The following SKAP2 variants were observed in gnomAD, a reference collection of about 807,000 sequenced individuals.
SKAP2 encodes src kinase-associated phosphoprotein 2.
A neutral mutation model predicts 54.9 loss-of-function variants in SKAP2; 28 were observed. The observed-to-expected ratio is 0.51, with a 90% CI of 0.38 to 0.70. The LOEUF is 0.70. SKAP2 is among the 30% of genes least tolerant of loss of function. The pLI is 0.00. For missense variants in SKAP2, 356 were observed against 424.1 expected, an observed-to-expected ratio of 0.84 and a Z score of 1.41; for synonymous variants, 137 against 134.3, an observed-to-expected ratio of 1.02 and a Z score of -0.14.
intron 4 of SKAP2, among the ~76,000 whole-genome samples, chr7:26,809,219 G>A (rs1174301505): frequency 2.0e-5 from 3 of 152,126 alleles, no homozygotes; most frequent in African/African-American, 7.2e-5. Context: ...TTTGAGACCA[G>A]CCTGACCAAT....
chr7:26,767,126 A>C (rs1450731393), intron 4 of SKAP2, among the ~76,000 whole-genome samples: 1 of 152,146 alleles, frequency 6.6e-6, no homozygotes, highest in Non-Finnish European at 1.5e-5. Flanking sequence ...TAGGCTATTA[A>C]TTACTGCCTC....
chr7:26,670,893 G>GA (rs1023871956), intron 11 of SKAP2, among the ~76,000 whole-genome samples: 44 of 152,144 alleles, frequency 2.9e-4, no homozygotes, highest in Admixed American at 2.8e-3. Context: ...TGCTGTTAGA[G>GA]TCACCCTTAT....
intron 4 of SKAP2, among the ~76,000 whole-genome samples, chr7:26,751,801 G>A (rs1782690452): frequency 6.7e-6 from 1 of 149,566 alleles, no homozygotes; most frequent in Admixed American, 6.7e-5. Flanking sequence ...CCCCCAAAAA[G>A]CATTTCCCAG....
At chr7:26,734,453 C>T (rs983832734) in intron 6 of SKAP2, among the ~76,000 whole-genome samples, 1 of 152,172 alleles carries the variant, frequency 6.6e-6, no homozygotes, top group African/African-American at 2.4e-5. Flanking sequence ...CATTTTTGAT[C>T]CCATCCACAG....
intron 4 of SKAP2, among the ~76,000 whole-genome samples, chr7:26,816,109 A>G (rs1157182658): frequency 2.0e-5 from 3 of 152,126 alleles, no homozygotes; most frequent in African/African-American, 4.8e-5. Context: ...GTTTTCTAAC[A>G]AATGTTTTGT....
intron 4 of SKAP2, among the ~76,000 whole-genome samples, chr7:26,812,923 T>C (rs1046215746): frequency 1.3e-5 from 2 of 152,170 alleles, no homozygotes; most frequent in African/African-American, 4.8e-5. Flanking sequence ...ATTTATCTTT[T>C]CTCACTTGTT....
intron 4 of SKAP2, among the ~76,000 whole-genome samples, chr7:26,759,497 G>A (rs1782876835): frequency 6.6e-6 from 1 of 152,064 alleles, no homozygotes; most frequent in Non-Finnish European, 1.5e-5. Context: ...CTCTTACAAT[G>A]CTAGCTATGG....
intron 11 of SKAP2, among the ~76,000 whole-genome samples, chr7:26,672,205 G>A (rs962438379): frequency 1.3e-5 from 2 of 151,966 alleles, no homozygotes; most frequent in Non-Finnish European, 2.9e-5. Context: ...AAGACAGAAA[G>A]TTATTACTTT....
At chr7:26,769,272 T>C (rs185242249) in intron 4 of SKAP2, among the ~76,000 whole-genome samples, 135 of 152,350 alleles carry the variant, frequency 8.9e-4, no homozygotes, top group Non-Finnish European at 1.5e-3. Context: ...GTATGCTTCA[T>C]GAAGTTCTCA....
the SKAP2 span, among the ~76,000 whole-genome samples, chr7:26,658,856 C>G: frequency 2.7e-5 from 4 of 148,008 alleles, no homozygotes; most frequent in African/African-American, 9.9e-5. Flanking sequence ...CAAGTAGGAA[C>G]AGATGATCAG....
chr7:26,681,341 G>A (rs1786489785), intron 11 of SKAP2, among the ~76,000 whole-genome samples: 1 of 152,182 alleles, frequency 6.6e-6, no homozygotes, highest in Non-Finnish European at 1.5e-5. Flanking sequence ...CTACTTGGGA[G>A]GCTGAGGCAG....
chr7:26,845,209 T>G (rs1280064408), intron 3 of SKAP2, among the ~76,000 whole-genome samples: 1 of 152,172 alleles, frequency 6.6e-6, no homozygotes, highest in East Asian at 1.9e-4. Flanking sequence ...TCCTGGCAGA[T>G]TCAGATTAAT....
chr7:26,744,840 T>G (rs1334064518), intron 4 of SKAP2, among the ~76,000 whole-genome samples: 1 of 152,078 alleles, frequency 6.6e-6, no homozygotes, highest in Non-Finnish European at 1.5e-5. Context: ...ATTACCAAAG[T>G]GCAATGACTC....
intron 9 of SKAP2, among the ~76,000 whole-genome samples, chr7:26,696,982 A>G (rs1173797760): frequency 3.9e-5 from 6 of 152,182 alleles, no homozygotes; most frequent in African/African-American, 7.2e-5. Context: ...TCACATAGAC[A>G]TATTTGTTAA....
intron 11 of SKAP2, among the ~76,000 whole-genome samples, chr7:26,677,253 A>G (rs920477899): frequency 2.0e-5 from 3 of 151,974 alleles, no homozygotes; most frequent in African/African-American, 7.2e-5. Flanking sequence ...TTAGCCGGGC[A>G]TGGTGGCAGG....
chr7:26,735,367 T>A (rs1380938225), intron 6 of SKAP2, among the ~76,000 whole-genome samples: 3 of 152,174 alleles, frequency 2.0e-5, no homozygotes, highest in African/African-American at 4.8e-5. Context: ...TTTCATAAGG[T>A]GTTAAAATAC....
At chr7:26,737,839 G>A (rs1787975367) in intron 6 of SKAP2, among the ~76,000 whole-genome samples, 1 of 152,128 alleles carries the variant, frequency 6.6e-6, no homozygotes. Context: ...AACTACAACT[G>A]AGAGATTTAT....
downstream of SKAP2, among the ~76,000 whole-genome samples, chr7:26,662,409 G>T (rs1786027684): frequency 6.6e-6 from 1 of 152,036 alleles, no homozygotes. Context: ...CAAAATCAGA[G>T]AACCTTTTAT....
In SKAP2 at chr7:26,739,968, T is replaced by G; in HGVS notation, c.308-4A>C. The G allele has an allele frequency of 2.5e-6, 4 of 1,601,000 alleles. No individual in the cohort carries two copies. The highest frequency in any genetic ancestry group is 3.4e-6 in the Non-Finnish European group (4 of 1,174,062). The stretch of plus-strand genomic sequence containing the variant: ...GCAATTGGAGGAAACTGGGCTCCTA[T>G]GAGAAGTTGGGGAGAGAAAAAAAAA... On this transcript the variant is annotated splice_polypyrimidine_tract_variant and splice_region_variant and intron_variant, in intron 4 of 12. Coordinates refer to ENST00000345317, the MANE Select transcript of SKAP2 (RefSeq NM_003930.5).
Sources: gnomAD v4.1 joint callset for allele counts (sites outside exome capture counted in the v4.1 genomes callset) on GRCh38, gnomAD v4.1.1 for gene constraint, MANE v1.5 for transcripts, NCBI Gene and HGNC (gene_info 2026-07-23, HGNC 2026-07-21) for gene names.